FSTL5: variants seen among roughly 807,000 people sequenced by gnomAD.
The protein encoded by FSTL5 is follistatin-related protein 5.
A neutral mutation model predicts 89.1 loss-of-function variants in FSTL5; 62 were observed. The observed-to-expected ratio is 0.70, with a 90% CI of 0.57 to 0.86. The LOEUF (loss-of-function observed/expected upper bound fraction) is 0.86. Among genes scored for constraint, FSTL5 ranks in the 40% least tolerant of loss-of-function variants. The pLI is 0.00. For synonymous variants in FSTL5, 383 were observed against 346.2 expected (o/e 1.11, Z -1.18); for missense variants, 1,057 against 1,001.6 (o/e 1.06, Z -0.75).
At chr4:161,987,201 C>T (rs1279636356) in intron 3 of FSTL5, among the ~76,000 whole-genome samples, 1 of 152,028 alleles carries the variant, frequency 6.6e-6, no homozygotes, top group Non-Finnish European at 1.5e-5. Flanking sequence ...GAATCCTGCT[C>T]CCTTTCTTTT....
chr4:161,993,527 T>C (rs1410856602), intron 3 of FSTL5, among the ~76,000 whole-genome samples: 2 of 152,258 alleles, frequency 1.3e-5, no homozygotes, highest in South Asian at 2.1e-4. Context: ...GTGATAATTG[T>C]ATATATTTAT....
intron 15 of FSTL5, 95 bp from the exon 16 acceptor site, chr4:161,386,544 T>C: frequency 1.3e-6 from 1 of 797,442 alleles, no homozygotes; most frequent in South Asian, 1.9e-5. Flanking sequence ...CATCGCAGGC[T>C]CTAATTGTCA....
intron 2 of FSTL5, among the ~76,000 whole-genome samples, chr4:162,096,720 C>T (rs751271915): frequency 7.9e-5 from 12 of 151,742 alleles, no homozygotes; most frequent in Non-Finnish European, 1.5e-4. Context: ...AATAATATTG[C>T]TTAAGTATGA....
At chr4:161,864,771 C>T (rs1732024404) in intron 4 of FSTL5, among the ~76,000 whole-genome samples, 1 of 149,856 alleles carries the variant, frequency 6.7e-6, no homozygotes, top group Non-Finnish European at 1.5e-5. Context: ...ACTCGGGAGG[C>T]CGAGGCAGGA....
chr4:161,798,703 C>A (rs1729706232), intron 4 of FSTL5, among the ~76,000 whole-genome samples: 1 of 151,188 alleles, frequency 6.6e-6, no homozygotes, highest in Non-Finnish European at 1.5e-5. Flanking sequence ...ATTTTTACTT[C>A]CAACAATATA....
At chr4:161,744,992 G>A (rs373133189) in intron 6 of FSTL5, among the ~76,000 whole-genome samples, 10 of 151,036 alleles carry the variant, frequency 6.6e-5, no homozygotes, top group African/African-American at 1.9e-4. Flanking sequence ...CTGCTTTATC[G>A]GATCCAGAAG....
At chr4:161,404,689 C>G (rs62325019) in intron 15 of FSTL5, among the ~76,000 whole-genome samples, 23,026 of 150,664 alleles carry the variant, frequency 0.15, 1,857 homozygotes, top group East Asian at 0.24. Flanking sequence ...TTTCAAAAGC[C>G]TTTGAGAAAA....
At chr4:162,053,142 C>T (rs1010122750) in intron 2 of FSTL5, among the ~76,000 whole-genome samples, 9 of 151,680 alleles carry the variant, frequency 5.9e-5, no homozygotes, top group Non-Finnish European at 1.2e-4. Context: ...GATTGATACA[C>T]ATTTATAAAA....
intron 4 of FSTL5, among the ~76,000 whole-genome samples, chr4:161,826,953 T>G (rs999980732): frequency 1.3e-5 from 2 of 152,166 alleles, no homozygotes; most frequent in Admixed American, 6.5e-5. Flanking sequence ...TTTTTTAAAT[T>G]TATTTACTGT....
intron 15 of FSTL5, among the ~76,000 whole-genome samples, chr4:161,426,350 T>C (rs1732167546): frequency 6.6e-6 from 1 of 152,112 alleles, no homozygotes; most frequent in Non-Finnish European, 1.5e-5. Context: ...TCATAATAAG[T>C]CTTGAGAATA....
chr4:161,686,377 G>T (rs1483362906), intron 6 of FSTL5, among the ~76,000 whole-genome samples: 1 of 18,844 alleles, frequency 5.3e-5, no homozygotes, highest in East Asian at 6.7e-3. Context: ...TTTTTTTTTT[G>T]AGATGGAGTA....
chr4:162,003,815 G>C (rs952265193), intron 3 of FSTL5, among the ~76,000 whole-genome samples: 1 of 152,048 alleles, frequency 6.6e-6, no homozygotes, highest in Non-Finnish European at 1.5e-5. Context: ...CATTTTATGT[G>C]AATACAGGGC....
intron 1 of FSTL5, among the ~76,000 whole-genome samples, chr4:162,113,316 T>A (rs112706464): frequency 0.84 from 128,102 of 151,692 alleles, 54,431 homozygotes; most frequent in Non-Finnish European, 0.89. Context: ...AACTCATCAT[T>A]AATTCTTTTA....
chr4:162,106,982 A>G (rs549176790), intron 2 of FSTL5, among the ~76,000 whole-genome samples: 2 of 152,214 alleles, frequency 1.3e-5, no homozygotes, highest in Non-Finnish European at 2.9e-5. Flanking sequence ...TCCAATGTGA[A>G]TTATGATATA....
intron 4 of FSTL5, among the ~76,000 whole-genome samples, chr4:161,914,160 C>T (rs1733775661): frequency 1.3e-5 from 2 of 152,066 alleles, no homozygotes; most frequent in South Asian, 4.2e-4. Context: ...TTTGAACTGA[C>T]GAAATGTTCT....
At chr4:161,675,573 A>G (rs1295762426) in intron 6 of FSTL5, among the ~76,000 whole-genome samples, 1 of 151,544 alleles carries the variant, frequency 6.6e-6, no homozygotes, top group Non-Finnish European at 1.5e-5. Context: ...GAATTACTGT[A>G]TTATCATGAA....
chr4:162,065,970 T>C (rs1738881642), intron 2 of FSTL5, among the ~76,000 whole-genome samples: 4 of 152,060 alleles, frequency 2.6e-5, no homozygotes, highest in Admixed American at 2.6e-4. Context: ...TTTTCTTGTA[T>C]TTGAATATGT....
At chr4:161,588,736 C>T (rs1321847691) in intron 7 of FSTL5, among the ~76,000 whole-genome samples, 2 of 152,172 alleles carry the variant, frequency 1.3e-5, no homozygotes, top group Non-Finnish European at 2.9e-5. Flanking sequence ...TTTAACTTTA[C>T]TTCCTCAACA....
chr4:161,849,477 G>A (rs1731482197), intron 4 of FSTL5, among the ~76,000 whole-genome samples: 1 of 150,468 alleles, frequency 6.6e-6, no homozygotes, highest in African/African-American at 2.4e-5. Flanking sequence ...CACTACATAT[G>A]GTTATTAATG....
Sources: gnomAD v4.1 joint callset for allele counts (sites outside exome capture counted in the v4.1 genomes callset) on GRCh38, gnomAD v4.1.1 for gene constraint, MANE v1.5 for transcripts, NCBI Gene and HGNC (gene_info 2026-07-23, HGNC 2026-07-21) for gene names.